The following POU3F3 variants were observed in gnomAD, a reference collection of about 807,000 sequenced individuals.
The protein encoded by POU3F3 is POU domain, class 3, transcription factor 3.
In POU3F3, 1 loss-of-function variant was observed where a neutral mutation model predicts 8.6. The observed-to-expected ratio is 0.12, with a 90% CI of 0.04 to 0.55. The LOEUF (loss-of-function observed/expected upper bound fraction) is 0.55. POU3F3 is among the 20% of genes least tolerant of loss of function. The pLI is 0.91. For synonymous variants in POU3F3, 418 were observed against 327.4 expected (o/e 1.28, Z -2.99); for missense variants, 577 against 690.7 (o/e 0.84, Z 1.84).
At position 104,855,486 on chromosome 2, in the gene POU3F3, G is replaced by C. The variant is rs565463018; in HGVS notation, c.-25G>C. The C allele has an allele frequency of 2.1e-6, 2 of 975,246 alleles. No homozygotes were observed. The highest frequency in any genetic ancestry group is 2.4e-6 in the Non-Finnish European group (2 of 822,136). The allele number at this position is 975,246 out of a possible 1,614,324, so 60.4% of individuals were successfully genotyped here. On this transcript the variant is annotated 5_prime_UTR_variant, in exon 1 of 1. Transcript: ENST00000361360. ...CGGCGGCGGCGGCGGTGGTGGCGGC[G>C]GTGGGGTGGCGGGAGCGGAGCGGCA...
At chr2:104,878,809 C>T in the POU3F3 span, among the ~76,000 whole-genome samples, 1 of 152,114 alleles carries the variant, frequency 6.6e-6, no homozygotes, top group African/African-American at 2.4e-5. Context: ...TCTGTTTGGT[C>T]CTGAGAGTCA....
chr2:104,882,243 A>ATT, the POU3F3 span, among the ~76,000 whole-genome samples: 129 of 111,272 alleles, frequency 1.2e-3, no homozygotes, highest in African/African-American at 3.2e-3. Flanking sequence ...GAAAACCTGA[A>ATT]TTTTTTTTTT....
the POU3F3 span, among the ~76,000 whole-genome samples, chr2:104,927,761 A>C: frequency 6.6e-6 from 1 of 151,440 alleles, no homozygotes; most frequent in East Asian, 1.9e-4. Flanking sequence ...AAAAAAAAAA[A>C]AAAAAAAAAA....
the POU3F3 span, among the ~76,000 whole-genome samples, chr2:104,888,161 C>T: frequency 1.3e-5 from 2 of 152,248 alleles, no homozygotes; most frequent in African/African-American, 2.4e-5. Context: ...ACACACACCT[C>T]GCTCTTTCTG....
the POU3F3 span, among the ~76,000 whole-genome samples, chr2:104,925,733 GA>G: frequency 2.0e-5 from 3 of 152,212 alleles, no homozygotes; most frequent in African/African-American, 7.2e-5. Flanking sequence ...CTCAGAGTTA[GA>G]TAGAAGAATA....
the POU3F3 span, among the ~76,000 whole-genome samples, chr2:104,878,987 C>T: frequency 6.6e-5 from 10 of 151,958 alleles, no homozygotes; most frequent in Admixed American, 5.2e-4. Context: ...ACACGGCACA[C>T]ACAACACACA....
At chr2:104,883,225 G>A in the POU3F3 span, among the ~76,000 whole-genome samples, 55 of 152,316 alleles carry the variant, frequency 3.6e-4, no homozygotes, top group African/African-American at 1.2e-3. Flanking sequence ...CCATTAGCGG[G>A]GCAGAGCCAT....
chr2:104,856,275 G>T lies in POU3F3; in HGVS notation c.765G>T (p.Val255=). 1.4e-6 allele frequency: 2 copies of T among 1,435,990 alleles called. No homozygotes were observed. The highest frequency in any genetic ancestry group is 1.8e-6 in the Non-Finnish European group (2 of 1,105,454). 89.0% of individuals were successfully genotyped at this position (1,435,990 alleles called of 1,614,324 possible). A position where few individuals can be genotyped will look rare whatever the true frequency, so the allele number is the denominator to read the frequency against. ...GGAGGGAQSL[V]HPGLVRGDTP... is the part of the protein sequence containing the mutation. ...CGGGCGGTGGAGCCCAGAGCTTGGT[G>T]CACCCGGGGCTGGTGCGCGGGGACA... Residue 255 remains valine, a synonymous_variant, in exon 1 of 1, where the codon GTG becomes GTT. Coordinates refer to ENST00000361360, the MANE Select transcript of POU3F3 (RefSeq NM_006236.3).
the POU3F3 span, chr2:104,865,576 G>T: frequency 6.6e-6 from 1 of 152,146 alleles, no homozygotes. Context: ...CTGCCTCTCC[G>T]CATAAGGCAA....
chr2:104,885,160 C>T, the POU3F3 span, among the ~76,000 whole-genome samples: 1 of 152,188 alleles, frequency 6.6e-6, no homozygotes, highest in African/African-American at 2.4e-5. Context: ...AATGTCTGTC[C>T]AATGATCTAA....
the POU3F3 span, among the ~76,000 whole-genome samples, chr2:104,882,338 G>A: frequency 1.4e-4 from 20 of 145,118 alleles, no homozygotes; most frequent in African/African-American, 4.1e-4. Context: ...TGCAACCTTC[G>A]CCTCCCAGGT....
At chr2:104,861,067 C>T (rs1453270866), downstream of POU3F3, among the ~76,000 whole-genome samples, 1 of 151,954 alleles carries the variant, frequency 6.6e-6, no homozygotes, top group Admixed American at 6.5e-5. Context: ...TTGAAAGCAA[C>T]AATATATTGT....
the POU3F3 span, among the ~76,000 whole-genome samples, chr2:104,916,249 T>C: frequency 6.6e-6 from 1 of 152,236 alleles, no homozygotes; most frequent in South Asian, 2.1e-4. Flanking sequence ...ATTTATACAT[T>C]ATCTATCTAA....
At chr2:104,880,040 C>T in the POU3F3 span, among the ~76,000 whole-genome samples, 3 of 152,144 alleles carry the variant, frequency 2.0e-5, no homozygotes, top group Non-Finnish European at 4.4e-5. Flanking sequence ...AATACCTGCT[C>T]GTTCTTATCC....
chr2:104,919,190 A>G, the POU3F3 span, among the ~76,000 whole-genome samples: 6 of 152,170 alleles, frequency 3.9e-5, no homozygotes, highest in African/African-American at 1.4e-4. Context: ...ATTTTATGCT[A>G]GCTTCCTGCC....
In POU3F3 at chr2:104,855,519, G is replaced by C. The variant is rs942724368; in HGVS notation, c.9G>C (p.Thr3=). The part of the protein sequence containing the change: MA[T]AASNPYLPGN... The stretch of plus-strand genomic sequence containing the variant: ...GGCGGGAGCGGAGCGGCATGGCCAC[G>C]GCGGCTTCTAACCCCTACCTGCCGG... Residue 3 remains threonine (T), a synonymous_variant, in exon 1 of 1, where the codon ACG becomes ACC. Transcript: ENST00000361360. 2 of 1,023,446 alleles carry C rather than the reference G, an allele frequency of 2.0e-6. No individual in the cohort carries two copies. The highest frequency in any genetic ancestry group is 1.2e-6 in the Non-Finnish European group (1 of 852,060). 63.4% of individuals were successfully genotyped at this position (1,023,446 alleles called of 1,614,324 possible).
chr2:104,881,466 T>C, the POU3F3 span, among the ~76,000 whole-genome samples: 1 of 152,084 alleles, frequency 6.6e-6, no homozygotes, highest in Non-Finnish European at 1.5e-5. Flanking sequence ...ACACCCATCC[T>C]AATCTTTTTC....
the POU3F3 span, among the ~76,000 whole-genome samples, chr2:104,898,623 T>G: frequency 2.0e-5 from 3 of 152,210 alleles, no homozygotes; most frequent in Non-Finnish European, 2.9e-5. Context: ...ATCATAGTGG[T>G]CCTTTGGTAA....
At chr2:104,866,531 C>T in the POU3F3 span, 1 of 152,156 alleles carries the variant, frequency 6.6e-6, no homozygotes, top group Admixed American at 6.5e-5. Flanking sequence ...CTGACACCCC[C>T]GCCAGAAAAC....
Sources: gnomAD v4.1 joint callset for allele counts (sites outside exome capture counted in the v4.1 genomes callset) on GRCh38, gnomAD v4.1.1 for gene constraint, MANE v1.5 for transcripts, NCBI Gene and HGNC (gene_info 2026-07-23, HGNC 2026-07-21) for gene names.